SHPK: variants seen among roughly 807,000 people sequenced by gnomAD.
The protein encoded by SHPK is carbohydrate kinase-like protein.
A neutral mutation model predicts 46.3 loss-of-function variants in SHPK; 51 were observed. That is an observed-to-expected ratio of 1.10 (90% CI 0.88 to 1.39). The LOEUF (loss-of-function observed/expected upper bound fraction) is 1.39, where lower values mean the gene tolerates loss of function less well. Ranked by LOEUF, SHPK falls within the 40% of genes most tolerant of loss-of-function variation. SHPK has a pLI of 0.00. For synonymous variants in SHPK, 290 were observed against 273.9 expected, an observed-to-expected ratio of 1.06 and a Z score of -0.58; for missense variants, 668 against 641.3, an observed-to-expected ratio of 1.04 and a Z score of -0.45.
intron 4 of SHPK, among the ~76,000 whole-genome samples, chr17:3,622,948 A>G (rs1597573285): frequency 6.6e-6 from 1 of 151,902 alleles, no homozygotes; most frequent in South Asian, 2.1e-4. Flanking sequence ...CAGGTGATTC[A>G]CCCGCCTCAG....
intron 1 of SHPK, among the ~76,000 whole-genome samples, chr17:3,634,116 G>C (rs541407110): frequency 1.1e-4 from 16 of 148,998 alleles, no homozygotes; most frequent in Non-Finnish European, 2.2e-4. Context: ...AAGTACCCAG[G>C]GACACAAACA....
chr17:3,613,756 C>G (rs539335604), intron 6 of SHPK, among the ~76,000 whole-genome samples: 1 of 152,090 alleles, frequency 6.6e-6, no homozygotes, highest in Admixed American at 6.5e-5. Context: ...CAGGGTCTTG[C>G]TATGTTGCCC....
chr17:3,627,686 C>A (rs961149710), intron 2 of SHPK, among the ~76,000 whole-genome samples: 11 of 151,396 alleles, frequency 7.3e-5, no homozygotes, highest in Non-Finnish European at 1.5e-4. Flanking sequence ...TTAAGCAGCT[C>A]TTTCCAACGA....
At chr17:3,612,775 G>C (rs1366169052) in intron 6 of SHPK, among the ~76,000 whole-genome samples, 1 of 149,700 alleles carries the variant, frequency 6.7e-6, no homozygotes, top group African/African-American at 2.5e-5. Flanking sequence ...TTTTTGAGAC[G>C]GAGTCTTGCT....
In SHPK at chr17:3,615,408, G is replaced by A. The variant is rs774388832; in HGVS notation, c.953C>T (p.Ala318Val). 4.3e-6 allele frequency: 7 copies of A among 1,614,196 alleles called. No individual in the cohort carries two copies. The South Asian group carries it at 7.7e-5, about 18-fold the overall frequency. ...CACATTGCCCCCGTTGAGTGACGCG[G>A]CCACCCCCAGGTAGGTCCTGTTGAA... ...PYFNRTYLGVAASLNGGNVLA... is the reference protein window; with the variant it reads ...PYFNRTYLGVVASLNGGNVLA... Residue 318 changes from alanine to valine, a missense_variant, in exon 6 of 7, where the codon GCC becomes GTC. Coordinates refer to ENST00000225519, the MANE Select transcript of SHPK (RefSeq NM_013276.4).
Position 3,610,866 on chromosome 17 carries a change from G to C in SHPK, c.1131C>G (p.His377Gln). The C allele has an allele frequency of 6.2e-7, 1 of 1,614,056 alleles. No individual in the cohort carries two copies. The highest frequency in any genetic ancestry group is 8.5e-7 in the Non-Finnish European group (1 of 1,180,022). Residue 377 changes from histidine (H) to glutamine (Q), a missense_variant, in exon 7 of 7, where the codon CAC (histidine) becomes CAG (glutamine). Transcript: ENST00000225519. ...TCACTGAGGCCAGCTGGTCCGGCAG[G>C]TGCCTCTCCCCCAGCACTGTCGGGG... ...TITPTVLGER[H>Q]LPDQLASVTR... is the part of the protein sequence containing the mutation.
chr17:3,636,076 G>A lies in SHPK; in HGVS notation c.144C>T (p.Val48=). The A allele has an allele frequency of 2.5e-6, 4 of 1,586,734 alleles. No individual in the cohort carries two copies. The highest frequency in any genetic ancestry group is 3.4e-6 in the Non-Finnish European group (4 of 1,168,334). ...CARAARAEAA[V]ESAVAGPQGR... ...CCTGGGGCCCGGCCACCGCGCTCTC[G>A]ACCGCCGCCTCTGCCCGCGCAGCAC... Residue 48 remains valine (V), a synonymous_variant, in exon 1 of 7, where the codon GTC becomes GTT. Coordinates refer to ENST00000225519, the MANE Select transcript of SHPK (RefSeq NM_013276.4).
chr17:3,630,462 T>C (rs2075464079), intron 1 of SHPK, 116 bp from the exon 2 acceptor site: 3 of 1,106,904 alleles, frequency 2.7e-6, no homozygotes, highest in South Asian at 3.2e-5. Context: ...CTCCCTAACT[T>C]CACAGTTGAG....
Position 3,608,595 on chromosome 17 carries a change from T to C in SHPK, c.*1965A>G, listed in dbSNP as rs2075315531. 6.6e-6 allele frequency: 1 copy of C among 152,188 alleles called. No individual in the cohort carries two copies. 9.4% of individuals were successfully genotyped at this position (152,188 alleles called of 1,614,324 possible). On this transcript the variant is annotated 3_prime_UTR_variant, in exon 7 of 7. Transcript: ENST00000225519. ...TCAGAACAATGCACAAGGGAAAACT[T>C]GGGAACTGTTTGAAGAATTTTCCAT...
intron 2 of SHPK, among the ~76,000 whole-genome samples, chr17:3,625,008 T>G (rs2075425121): frequency 2.9e-5 from 1 of 35,072 alleles, no homozygotes; most frequent in Non-Finnish European, 5.3e-5. Flanking sequence ...ACCGTCAGAT[T>G]TTTTTTCATT....
Position 3,623,353 on chromosome 17 carries a change from G to C in SHPK, c.633C>G (p.Ser211Arg). The part of the protein sequence containing the change: ...SWGYFNTQSQ[S>R]WNVETLRSSG... The stretch of plus-strand genomic sequence containing the variant: ...GTGATACTCACGTCTCTACGTTCCA[G>C]CTTTGGCTCTGCGTGTTGAAATAGC... The change falls in exon 4 of 7, where the codon AGC becomes AGG. Residue 211 changes from serine to arginine, a missense_variant. By Grantham distance (110) the Ser-to-Arg change is moderately radical. Transcript: ENST00000225519. 6.2e-7 allele frequency: 1 copy of C among 1,614,216 alleles called. No individual in the cohort carries two copies. Among genetic ancestry groups the C allele is most frequent in the Non-Finnish European group, 8.5e-7 (1 of 1,180,020 alleles).
chr17:3,613,876 G>T (rs75748321), intron 6 of SHPK, among the ~76,000 whole-genome samples: 3,404 of 152,174 alleles, frequency 0.022, 143 homozygotes, highest in African/African-American at 0.078. Context: ...AAGGTTGGAA[G>T]GGAAGGTTAA....
rs182673875 is a variant in SHPK, at chr17:3,620,499, C to G, written c.823+738G>C. ...GCCAGGATGGTCTCGATCTCCTGAC[C>G]TCGTGATCCACCTGCCTTGGCCTCC... On this transcript the variant is annotated intron_variant, in intron 5 of 6. Coordinates refer to ENST00000225519, the MANE Select transcript of SHPK (RefSeq NM_013276.4). Among the ~76,000 whole-genome samples the G allele has an allele frequency of 6.7e-3, 1,017 of 151,898 alleles. 20 individuals carry two copies. Among genetic ancestry groups the G allele is most frequent in the African/African-American group, 0.023 (964 of 41,426 alleles).
Position 3,610,648 on chromosome 17 carries a change from A to G in SHPK, c.1349T>C (p.Leu450Ser), listed in dbSNP as rs1310257552. The change falls in exon 7 of 7, where the codon TTG becomes TCG. Residue 450 changes from leucine (L) to serine (S), a missense_variant. By Grantham distance (145) the Leu-to-Ser change is moderately radical (BLOSUM62 -2). Transcript: ENST00000225519. ...LKQEVQRAFP[L>S]PMSFGQDVDA... ...CACATCCTGCCCAAAGGACATGGGCAAAGGGAAAGCCCTCTGCACCTCCTG... is the reference window on the plus strand; with the variant it reads ...CACATCCTGCCCAAAGGACATGGGCGAAGGGAAAGCCCTCTGCACCTCCTG... The G allele has an allele frequency of 3.7e-6, 6 of 1,613,928 alleles. No individual in the cohort carries two copies. Among genetic ancestry groups the G allele is most frequent in the South Asian group, 1.1e-5 (1 of 91,086 alleles).
At chr17:3,613,493 C>T (rs957211769) in intron 6 of SHPK, among the ~76,000 whole-genome samples, 4 of 152,206 alleles carry the variant, frequency 2.6e-5, no homozygotes, top group South Asian at 2.1e-4. Context: ...CTCAGCCTCC[C>T]GAGTAGCTGG....
At position 3,610,743 on chromosome 17, in the gene SHPK, C is replaced by G. The variant is rs574731593; in HGVS notation, c.1254G>C (p.Gln418His). The G allele has an allele frequency of 3.1e-6, 5 of 1,614,166 alleles. No individual in the cohort carries two copies. The African/African-American group carries it at 5.3e-5, about 17-fold the overall frequency. Residue 418 changes from glutamine to histidine, a missense_variant, in exon 7 of 7, where the codon CAG (glutamine) becomes CAC (histidine). Gln to His is a conservative substitution (Grantham distance 24). Coordinates refer to ENST00000225519, the MANE Select transcript of SHPK (RefSeq NM_013276.4). The part of the protein sequence containing the change: ...QNLHSMLPIQ[Q>H]LQEWGVERVM... ...CCCTCTCCACGCCCCACTCCTGGAG[C>G]TGCTGAATCGGAAGCATGGAGTGCA...
intron 6 of SHPK, among the ~76,000 whole-genome samples, chr17:3,614,511 C>G (rs1038972870): frequency 6.7e-6 from 1 of 148,408 alleles, no homozygotes; most frequent in Non-Finnish European, 1.5e-5. Context: ...GGCAACAGAG[C>G]GAGACTCCAT....
chr17:3,610,589 G>A lies in SHPK; in HGVS notation c.1408C>T (p.Arg470Trp), dbSNP rs764273932. 25 of 1,608,324 alleles carry A rather than the reference G, an allele frequency of 1.6e-5. No individual in the cohort carries two copies. The highest frequency in any genetic ancestry group is 1.6e-4 in the Middle Eastern group (1 of 6,062). ...GATTCCTTCTGGTTGAGGTGTCTCC[G>A]GAGCATGACCAGAGCTGCCCCGACA... Reference protein sequence around the residue: ...AAVGAALVMLRRHLNQKES With the variant: ...AAVGAALVMLWRHLNQKES Residue 470 changes from arginine (R) to tryptophan (W), a missense_variant, in exon 7 of 7, where the codon CGG becomes TGG. Physicochemically the swap from Arg to Trp is moderately radical, Grantham distance 101. Transcript: ENST00000225519.
intron 4 of SHPK, chr17:3,622,650 T>A (rs1399050717): frequency 1.1e-6 from 1 of 950,330 alleles, no homozygotes; most frequent in Non-Finnish European, 1.3e-6. Flanking sequence ...GGCAAATGAT[T>A]GTTCAAAAAG....
Sources: allele counts gnomAD v4.1 joint callset (sites outside exome capture counted in the v4.1 genomes callset), GRCh38; gene constraint gnomAD v4.1.1; transcripts MANE v1.5; gene names NCBI Gene and HGNC (gene_info 2026-07-23, HGNC 2026-07-21).